Variants in KDM5A observed in about 807,000 individuals in gnomAD.
KDM5A encodes the protein lysine demethylase 5A.
Under a neutral mutation model 193.5 loss-of-function variants are expected in KDM5A, and 42 were observed. That is an observed-to-expected ratio of 0.22 (90% confidence interval 0.17 to 0.28). The LOEUF (loss-of-function observed/expected upper bound fraction) is 0.28, where lower values mean the gene tolerates loss of function less well. Ranked by LOEUF, KDM5A falls within the 10% of genes least tolerant of loss-of-function variation. The probability of loss-of-function intolerance (pLI) is 1.00; values close to 1 mark genes in which losing one functional copy is unlikely to be tolerated. For synonymous variants in KDM5A, 796 were observed against 718.1 expected (o/e 1.11, Z -1.73); for missense variants, 1,692 against 2,055.1 (o/e 0.82, Z 3.42).
At chr12:299,298 GAA>G (rs1943411721) in intron 24 of KDM5A, among the ~76,000 whole-genome samples, 2 of 152,198 alleles carry the variant, frequency 1.3e-5, no homozygotes, top group African/African-American at 4.8e-5. Context: ...CAGCCAGAGA[GAA>G]AGGTCAAGTT....
intron 10 of KDM5A, among the ~76,000 whole-genome samples, chr12:339,299 T>C (rs936662896): frequency 6.6e-6 from 1 of 152,198 alleles, no homozygotes; most frequent in African/African-American, 2.4e-5. Context: ...TTATCTGCTA[T>C]TTTACCAGAG....
rs1013720493 is a variant in KDM5A, at chr12:309,916, T to A, written c.3265A>T (p.Arg1089Trp). The A allele has an allele frequency of 3.1e-6, 5 of 1,613,668 alleles. No homozygotes were observed. The highest frequency in any genetic ancestry group is 4.2e-6 in the Non-Finnish European group (5 of 1,179,906). ...ATTAGTTCTTTTACTTTTTTCCTCC[T>A]ATTTTTGCCACTCCCATATACACCA... ...DIGVYGSGKN[R>W]RKKVKELIEK... The change falls in exon 22 of 28, where the codon AGG becomes TGG. Residue 1089 changes from arginine (R) to tryptophan (W), a missense_variant. Transcript: ENST00000399788.
At position 310,935 on chromosome 12, in the gene KDM5A, G is replaced by A. The variant is rs2137394114; in HGVS notation, c.3166C>T (p.Arg1056Trp). 2.5e-6 allele frequency: 4 copies of A among 1,614,186 alleles called. No homozygotes were observed. The highest frequency in any genetic ancestry group is 3.4e-6 in the Non-Finnish European group (4 of 1,180,038). Residue 1056 changes from arginine (R) to tryptophan (W), a missense_variant, in exon 21 of 28, where the codon CGG becomes TGG. Physicochemically the swap from Arg to Trp is moderately radical, Grantham distance 101. Coordinates refer to ENST00000399788, the MANE Select transcript of KDM5A (RefSeq NM_001042603.3). ...TTCTTAAGAAACGTCCGCCCAGTCC[G>A]TTCTCTCCATGCCCGTGCTGCTGCT... ...QVAAARAWRE[R>W]TGRTFLKKNS...
intron 10 of KDM5A, among the ~76,000 whole-genome samples, chr12:342,752 G>A (rs7297011): frequency 0.029 from 4,408 of 149,838 alleles, 83 homozygotes; most frequent in Middle Eastern, 0.045. Context: ...ATGGGCCACC[G>A]TGCCTGGCCT....
At chr12:299,005 A>C (rs1439317114) in intron 24 of KDM5A, among the ~76,000 whole-genome samples, 1 of 152,040 alleles carries the variant, frequency 6.6e-6, no homozygotes, top group Admixed American at 6.6e-5. Context: ...TAGAGGAAAA[A>C]GAGTGAAAAG....
In KDM5A at chr12:333,571, G is replaced by A. The variant is rs370278324; in HGVS notation, c.1569C>T (p.Pro523=). ...GATCAGGCTGGGATTCAAATAACTC[G>A]GGGGCCAGCTCTCTCATCACCTCCT... ...QLEEVMRELA[P]ELFESQPDLL... Residue 523 remains proline (P), a synonymous_variant, in exon 12 of 28, where the codon CCC becomes CCT. Transcript: ENST00000399788. 54 of 1,614,006 alleles carry A rather than the reference G, an allele frequency of 3.3e-5. No individual in the cohort carries two copies. Among genetic ancestry groups the A allele is most frequent in the African/African-American group, 2.0e-4 (15 of 74,992 alleles).
chr12:301,105 AGGATCT>A (rs900974021), intron 24 of KDM5A, among the ~76,000 whole-genome samples: 1 of 152,242 alleles, frequency 6.6e-6, no homozygotes, highest in African/African-American at 2.4e-5. Context: ...AGGTACAAAG[AGGATCT>A]GGTACCATTC....
rs1202585419 is a variant in KDM5A at position 297,032 on chromosome 12, G to A, written c.4234+9C>T. The A allele has an allele frequency of 1.2e-6, 2 of 1,613,204 alleles. No individual in the cohort carries two copies. Among genetic ancestry groups the A allele is most frequent in the Admixed American group, 3.3e-5 (2 of 59,976 alleles). On this transcript the variant is annotated intron_variant, in intron 25 of 27. Coordinates refer to ENST00000399788, the MANE Select transcript of KDM5A (RefSeq NM_001042603.3). Reference sequence around the variant, plus strand: ...TTATGTTCCCCACAGTTTTTTAAAGGAGTAATACCTTGAGAACAACTCTTA... The same window carrying A: ...TTATGTTCCCCACAGTTTTTTAAAGAAGTAATACCTTGAGAACAACTCTTA...
intron 5 of KDM5A, among the ~76,000 whole-genome samples, chr12:361,911 A>G (rs1044782544): frequency 3.3e-5 from 5 of 152,236 alleles, no homozygotes; most frequent in African/African-American, 1.2e-4. Context: ...CAGAAATGGC[A>G]TAACGGAGAG....
chr12:376,506 T>C (rs1292033557), intron 3 of KDM5A, among the ~76,000 whole-genome samples: 1 of 152,234 alleles, frequency 6.6e-6, no homozygotes, highest in African/African-American at 2.4e-5. Flanking sequence ...GGAACGGGAA[T>C]TCCCTGACCC....
At chr12:313,739 A>T (rs1416505890) in intron 19 of KDM5A, among the ~76,000 whole-genome samples, 1 of 152,248 alleles carries the variant, frequency 6.6e-6, no homozygotes, top group Non-Finnish European at 1.5e-5. Context: ...AGAAGATAAG[A>T]ATTATGCTTC....
Position 322,583 on chromosome 12 carries a change from T to A in KDM5A, c.2276-16A>T. The A allele has an allele frequency of 6.2e-7, 1 of 1,606,284 alleles. No individual in the cohort carries two copies. The highest frequency in any genetic ancestry group is 8.5e-7 in the Non-Finnish European group (1 of 1,175,586). On this transcript the variant is annotated splice_polypyrimidine_tract_variant and intron_variant, in intron 16 of 27. Coordinates refer to ENST00000399788, the MANE Select transcript of KDM5A (RefSeq NM_001042603.3). ...TCAATCAAATCTGTAAAAATTTAAA[T>A]AAAGAGCCATATACAATAACCATAG...
intron 3 of KDM5A, among the ~76,000 whole-genome samples, chr12:371,765 C>G (rs1018185911): frequency 5.3e-5 from 8 of 151,978 alleles, no homozygotes; most frequent in African/African-American, 1.5e-4. Flanking sequence ...AATCCATCTT[C>G]AATTAATTTT....
At chr12:365,034 C>A (rs1001267705) in intron 4 of KDM5A, among the ~76,000 whole-genome samples, 7 of 152,040 alleles carry the variant, frequency 4.6e-5, no homozygotes, top group African/African-American at 1.7e-4. Context: ...AAATAAAGTA[C>A]TGACACATGC....
chr12:306,937 T>C lies in KDM5A; in HGVS notation c.4074+9A>G, dbSNP rs1943514889. On this transcript the variant is annotated intron_variant, in intron 24 of 27. Transcript: ENST00000399788. ...GGTATGTACCCACACAGCTTGTCCA[T>C]GTAACTACCTTCATGTCGTAGCCAT... The C allele has an allele frequency of 6.2e-7, 1 of 1,613,216 alleles. No homozygotes were observed. The highest frequency in any genetic ancestry group is 8.5e-7 in the Non-Finnish European group (1 of 1,179,566).
intron 5 of KDM5A, among the ~76,000 whole-genome samples, chr12:361,963 G>C (rs1236954131): frequency 2.0e-5 from 3 of 152,132 alleles, no homozygotes; most frequent in African/African-American, 7.2e-5. Context: ...AGTATTAATA[G>C]TCTGCCTCTC....
intron 10 of KDM5A, among the ~76,000 whole-genome samples, chr12:346,502 T>C (rs533177645): frequency 4.6e-5 from 7 of 152,194 alleles, no homozygotes; most frequent in Middle Eastern, 3.4e-3. Context: ...AACATCGATG[T>C]GAAAATCCCC....
At chr12:325,359 T>C (rs1943768606) in intron 14 of KDM5A, among the ~76,000 whole-genome samples, 1 of 152,196 alleles carries the variant, frequency 6.6e-6, no homozygotes, top group Non-Finnish European at 1.5e-5. Flanking sequence ...ACTCCAAGGA[T>C]CGGATCCTAA....
intron 10 of KDM5A, among the ~76,000 whole-genome samples, chr12:349,296 AGGTGTGAGCCCCCGCG>A (rs1374763847): frequency 4.7e-5 from 7 of 149,322 alleles, no homozygotes; most frequent in East Asian, 2.0e-4. Context: ...CTGGGATTAC[AGGTGTGAGCCCCCGCG>A]CCCAGCCATC....
Sources: allele counts gnomAD v4.1 joint callset (sites outside exome capture counted in the v4.1 genomes callset), GRCh38; gene constraint gnomAD v4.1.1; transcripts MANE v1.5; gene names NCBI Gene and HGNC (gene_info 2026-07-23, HGNC 2026-07-21).